The following DACT3 variants were observed in gnomAD, a reference collection of about 807,000 sequenced individuals.
The protein encoded by DACT3 is dapper homolog 3.
Under a neutral mutation model 19.6 loss-of-function variants are expected in DACT3, and 5 were observed. The observed-to-expected ratio is 0.26, with a 90% confidence interval of 0.13 to 0.54. The LOEUF (loss-of-function observed/expected upper bound fraction) is 0.54, where lower values mean the gene tolerates loss of function less well. Among genes scored for constraint, DACT3 ranks in the 20% least tolerant of loss-of-function variants. DACT3 has a pLI of 0.95. For synonymous variants in DACT3, 454 were observed against 428.1 expected (o/e 1.06, Z -0.75); for missense variants, 908 against 927.4 (o/e 0.98, Z 0.27).
chr19:46,658,380 C>T lies in DACT3; in HGVS notation c.249+2436G>A, dbSNP rs2053048069. 3.9e-5 allele frequency among the ~76,000 whole-genome samples: 6 copies of T among 152,208 alleles called. No individual in the cohort carries two copies. The South Asian group carries it at 1.2e-3, about 32-fold the overall frequency. On this transcript the variant is annotated intron_variant, in intron 1 of 3. Coordinates refer to ENST00000391916, the MANE Select transcript of DACT3 (RefSeq NM_145056.3). Reference sequence around the variant, plus strand: ...TGCACTTCAGCCTGAGAGACTTTGTCTCCAAAAATAAATGAATAAATAAAT... The same window carrying T: ...TGCACTTCAGCCTGAGAGACTTTGTTTCCAAAAATAAATGAATAAATAAAT...
chr19:46,649,183 G>T lies in DACT3; in HGVS notation c.1189C>A (p.Pro397Thr). 1 of 1,212,592 alleles carries T rather than the reference G, an allele frequency of 8.2e-7. No homozygotes were observed. The highest frequency in any genetic ancestry group is 1.0e-6 in the Non-Finnish European group (1 of 976,060). 75.1% of individuals were successfully genotyped at this position (1,212,592 alleles called of 1,614,324 possible). The change falls in exon 4 of 4, where the codon CCC becomes ACC. Residue 397 changes from proline to threonine, a missense_variant. Transcript: ENST00000391916. ...CGTCCACGGCGGCCGGCGGCCCGGG[G>T]ACGCTCCCGGGGTGGTGACTGCTCC... ...SVEQSPPRERPRAAGRRGRMA... is the reference protein window; with the variant it reads ...SVEQSPPRERTRAAGRRGRMA...
At position 46,648,657 on chromosome 19, in the gene DACT3, C is replaced by G; in HGVS notation, c.1715G>C (p.Gly572Ala). 6.2e-7 allele frequency: 1 copy of G among 1,612,408 alleles called. No homozygotes were observed. Among genetic ancestry groups the G allele is most frequent in the South Asian group, 1.1e-5 (1 of 91,044 alleles). The change falls in exon 4 of 4, where the codon GGC becomes GCC. Residue 572 changes from glycine to alanine, a missense_variant. This residue lies in a region of DACT3 where 656 missense variants were observed against 601.8 expected (regional missense o/e 1.09). Transcript: ENST00000391916. This position sits in a 1 kb window ranked among gnomAD's most constrained non-coding sequence, Gnocchi z 5.1. ...SASSDSDGSG[G>A]LVWPQQLVAA... ...CACCAGCTGCTGCGGCCACACGAGG[C>G]CACCGCTGCCGTCTGAGTCGCTGGA...
chr19:46,648,260 C>A lies in DACT3; in HGVS notation c.*222G>T. On this transcript the variant is annotated 3_prime_UTR_variant, in exon 4 of 4. Transcript: ENST00000391916. The surrounding 1 kb of genome is among the most constrained non-coding windows in gnomAD (Gnocchi z 5.1). ...GGGGAACTGTCTTGCCCAAGGGCTTCCAAGCTAGAAGCTGAACTGGGTCAA... is the reference window on the plus strand; with the variant it reads ...GGGGAACTGTCTTGCCCAAGGGCTTACAAGCTAGAAGCTGAACTGGGTCAA... The A allele has an allele frequency of 1.4e-6, 1 of 698,622 alleles. No homozygotes were observed. The highest frequency in any genetic ancestry group is 1.9e-5 in the South Asian group (1 of 52,374). 43.3% of individuals were successfully genotyped at this position (698,622 alleles called of 1,614,324 possible). A position where few individuals can be genotyped will look rare whatever the true frequency, so the allele number is the denominator to read the frequency against.
Position 46,648,325 on chromosome 19 carries a change from G to T in DACT3, c.*157C>A. 8.1e-7 allele frequency: 1 copy of T among 1,228,286 alleles called. No homozygotes were observed. Among genetic ancestry groups the T allele is most frequent in the Non-Finnish European group, 1.1e-6 (1 of 887,730 alleles). The allele number at this position is 1,228,286 out of a possible 1,614,324, so 76.1% of individuals were successfully genotyped here. On this transcript the variant is annotated 3_prime_UTR_variant, in exon 4 of 4. Coordinates refer to ENST00000391916, the MANE Select transcript of DACT3 (RefSeq NM_145056.3). This position sits in a 1 kb window ranked among gnomAD's most constrained non-coding sequence, Gnocchi z 5.1. The stretch of plus-strand genomic sequence containing the variant: ...CATTCCTCTCGGTGGTGGTGGGGGA[G>T]CCTTTTCAACCAAGACTGTTAGGAG...
In DACT3 at chr19:46,652,675, T is replaced by A; in HGVS notation, c.484A>T (p.Arg162Trp). Residue 162 changes from arginine to tryptophan, a missense_variant, in exon 3 of 4, where the codon AGG becomes TGG. Physicochemically the swap from Arg to Trp is moderately radical, Grantham distance 101. Transcript: ENST00000391916. ...CCCACCTTACCTAGGGACTTGGGCCTCTCACTGGCATAGATGCCCCGGGGC... is the reference window on the plus strand; with the variant it reads ...CCCACCTTACCTAGGGACTTGGGCCACTCACTGGCATAGATGCCCCGGGGC... ...SEPRGIYASE[R>W]PKSLGDASPS... 1 of 1,551,246 alleles carries A rather than the reference T, an allele frequency of 6.4e-7. No homozygotes were observed. Among genetic ancestry groups the A allele is most frequent in the Non-Finnish European group, 8.7e-7 (1 of 1,146,986 alleles).
chr19:46,649,157 G>C lies in DACT3; in HGVS notation c.1215C>G (p.Arg405=). The change falls in exon 4 of 4, where the codon CGC becomes CGG. Residue 405 remains arginine (R), a synonymous_variant. Coordinates refer to ENST00000391916, the MANE Select transcript of DACT3 (RefSeq NM_145056.3). ...ERPRAAGRRG[R]MAEASGRRGS... ...CGCGGCGGCCCGAAGCCTCGGCCAT[G>C]CGTCCACGGCGGCCGGCGGCCCGGG... 8.1e-7 allele frequency: 1 copy of C among 1,229,100 alleles called. No individual in the cohort carries two copies. Among genetic ancestry groups the C allele is most frequent in the Non-Finnish European group, 1.0e-6 (1 of 986,504 alleles). 76.1% of individuals were successfully genotyped at this position (1,229,100 alleles called of 1,614,324 possible).
At chr19:46,651,644 TTGTGTGTGTGTGTGTGTGTGTGTGTG>T (rs10600060) in intron 3 of DACT3, 1 of 134,658 alleles carries the variant, frequency 7.4e-6, no homozygotes, top group African/African-American at 2.9e-5. Context: ...CAGGCACTGT[TTGTGTGTGTGTGTGTGTGTGTGTGTG>T]TGTGTGTGTG....
rs1378530770 is a variant in DACT3 at position 46,648,986 on chromosome 19, C to T, written c.1386G>A (p.Ala462=). The change falls in exon 4 of 4, where the codon GCG becomes GCA. Residue 462 remains alanine (A), a synonymous_variant. Coordinates refer to ENST00000391916, the MANE Select transcript of DACT3 (RefSeq NM_145056.3). The surrounding 1 kb of genome is among the most constrained non-coding windows in gnomAD (Gnocchi z 5.1). ...PRPPRPRRGP[A]PTLAAQAAGS... ...CTGCGGCCTGGGCCGCCAGCGTGGG[C>T]GCTGGGCCGCGGCGTGGCCGTGGAG... 3.1e-6 allele frequency: 4 copies of T among 1,276,854 alleles called. No homozygotes were observed. Among genetic ancestry groups the T allele is most frequent in the Non-Finnish European group, 3.9e-6 (4 of 1,013,958 alleles). 79.1% of individuals were successfully genotyped at this position (1,276,854 alleles called of 1,614,324 possible).
At chr19:46,658,230 A>T (rs1375227706) in intron 1 of DACT3, among the ~76,000 whole-genome samples, 2 of 61,910 alleles carry the variant, frequency 3.2e-5, no homozygotes, top group African/African-American at 9.2e-5. Context: ...TCATATCTTT[A>T]AAAAAAAAAA....
chr19:46,653,151 A>G (rs746679508), intron 1 of DACT3, 76 bp from the exon 2 acceptor site: 452 of 1,520,898 alleles, frequency 3.0e-4, no homozygotes, highest in Non-Finnish European at 3.8e-4. Context: ...CCACGAGCTC[A>G]TGGGCAGAGT....
At chr19:46,659,720 C>A (rs1174136025) in intron 1 of DACT3, among the ~76,000 whole-genome samples, 3 of 151,898 alleles carry the variant, frequency 2.0e-5, no homozygotes, top group African/African-American at 7.3e-5. Flanking sequence ...ACTGCCACCT[C>A]GGCTCAGGTT....
chr19:46,656,851 T>A (rs553285480), intron 1 of DACT3, among the ~76,000 whole-genome samples: 2 of 152,156 alleles, frequency 1.3e-5, no homozygotes, highest in Non-Finnish European at 2.9e-5. Flanking sequence ...CCCAAATGAC[T>A]GAGTCCCATT....
At chr19:46,654,946 T>A (rs888995354) in intron 1 of DACT3, 15 of 984,700 alleles carry the variant, frequency 1.5e-5, no homozygotes, top group Admixed American at 6.2e-5. Flanking sequence ...GCTCCTGCCC[T>A]GGGTATATTG....
At chr19:46,654,675 A>G in intron 1 of DACT3, 1 of 985,436 alleles carries the variant, frequency 1.0e-6, no homozygotes, top group South Asian at 4.7e-5. Flanking sequence ...AGCAGCAGGC[A>G]GCCTCGGGCT....
Position 46,648,926 on chromosome 19 carries a change from G to A in DACT3, c.1446C>T (p.Ile482=). Residue 482 remains isoleucine, a synonymous_variant, in exon 4 of 4, where the codon ATC becomes ATT. Coordinates refer to ENST00000391916, the MANE Select transcript of DACT3 (RefSeq NM_145056.3). The surrounding 1 kb of genome is among the most constrained non-coding windows in gnomAD (Gnocchi z 5.1). The stretch of plus-strand genomic sequence containing the variant: ...GCACGCGGCGCCCATCGGCAGCGTC[G>A]ATCTCCGCAGTGGAGCGCCAGCGAC... The part of the protein sequence containing the change: ...SCRRWRSTAE[I]DAADGRRVRP... 1 of 1,358,794 alleles carries A rather than the reference G, an allele frequency of 7.4e-7. No homozygotes were observed. Among genetic ancestry groups the A allele is most frequent in the Non-Finnish European group, 9.4e-7 (1 of 1,062,510 alleles). The allele number at this position is 1,358,794 out of a possible 1,614,324, so 84.2% of individuals were successfully genotyped here.
Position 46,649,007 on chromosome 19 carries a change from T to C in DACT3, c.1365A>G (p.Pro455=), listed in dbSNP as rs753977517. 75 of 1,266,676 alleles carry C rather than the reference T, an allele frequency of 5.9e-5. No individual in the cohort carries two copies. The South Asian group carries it at 1.7e-3, about 29-fold the overall frequency. 78.5% of individuals were successfully genotyped at this position (1,266,676 alleles called of 1,614,324 possible). A position where few individuals can be genotyped will look rare whatever the true frequency, so the allele number is the denominator to read the frequency against. Residue 455 remains proline, a synonymous_variant, in exon 4 of 4, where the codon CCA becomes CCG. Coordinates refer to ENST00000391916, the MANE Select transcript of DACT3 (RefSeq NM_145056.3). The part of the protein sequence containing the change: ...PTAEREEPRP[P]RPRRGPAPTL... ...TGGGCGCTGGGCCGCGGCGTGGCCG[T>C]GGAGGCCGAGGCTCTTCCCGCTCCG...
At chr19:46,656,430 C>T (rs1425889201) in intron 1 of DACT3, among the ~76,000 whole-genome samples, 1 of 152,122 alleles carries the variant, frequency 6.6e-6, no homozygotes, top group African/African-American at 2.4e-5. Flanking sequence ...TCACTGCAGC[C>T]TTCACCTCCT....
At chr19:46,656,117 G>A (rs2053032599) in intron 1 of DACT3, among the ~76,000 whole-genome samples, 1 of 149,480 alleles carries the variant, frequency 6.7e-6, no homozygotes, top group South Asian at 2.1e-4. Context: ...CTGGAGTGCA[G>A]TGGTGCAGCC....
At chr19:46,656,411 G>C (rs1375244425) in intron 1 of DACT3, among the ~76,000 whole-genome samples, 1 of 151,942 alleles carries the variant, frequency 6.6e-6, no homozygotes, top group African/African-American at 2.4e-5. Context: ...GCAGTGGCAC[G>C]ATCACGGCTC....
Sources: allele counts gnomAD v4.1 joint callset (sites outside exome capture counted in the v4.1 genomes callset), GRCh38; gene constraint gnomAD v4.1.1; regional missense constraint gnomAD v4.1.1; non-coding constraint Gnocchi (gnomAD v3.1); transcripts MANE v1.5; gene names NCBI Gene and HGNC (gene_info 2026-07-23, HGNC 2026-07-21).